The following ADGRL3 variants were observed in gnomAD, a reference collection of about 807,000 sequenced individuals.
The protein encoded by ADGRL3 is calcium-independent alpha-latrotoxin receptor 3.
ADGRL3 carries 62 observed loss-of-function variants against 153.5 expected under a neutral mutation model. That is an observed-to-expected ratio of 0.40 (90% CI 0.33 to 0.50). The LOEUF is 0.50. Among genes scored for constraint, ADGRL3 ranks in the 20% least tolerant of loss-of-function variants. The pLI is 0.47. For synonymous variants in ADGRL3, 710 were observed against 672.5 expected (o/e 1.06, Z -0.86); for missense variants, 1,641 against 1,859.4 (o/e 0.88, Z 2.16).
intron 2 of ADGRL3, among the ~76,000 whole-genome samples, chr4:61,433,650 T>G (rs565137689): frequency 1.3e-5 from 2 of 152,314 alleles, no homozygotes; most frequent in Admixed American, 1.3e-4. Flanking sequence ...TCTATTCTAG[T>G]TGACTCTTAA....
chr4:61,534,759 T>G (rs1016013972), intron 4 of ADGRL3, among the ~76,000 whole-genome samples: 2 of 152,160 alleles, frequency 1.3e-5, no homozygotes, highest in Non-Finnish European at 2.9e-5. Flanking sequence ...TGTTGGCATA[T>G]AGGTATGCAA....
intron 2 of ADGRL3, among the ~76,000 whole-genome samples, chr4:61,439,759 C>T (rs541269404): frequency 6.6e-6 from 1 of 152,104 alleles, no homozygotes; most frequent in East Asian, 1.9e-4. Context: ...CCAGCTTCAG[C>T]CATGTCCCTT....
chr4:61,607,292 GAA>G (rs1199070309), intron 5 of ADGRL3, among the ~76,000 whole-genome samples: 1 of 151,976 alleles, frequency 6.6e-6, no homozygotes, highest in Non-Finnish European at 1.5e-5. Context: ...GAAAAAGTCT[GAA>G]AAAAGTCTCA....
intron 1 of ADGRL3, among the ~76,000 whole-genome samples, chr4:61,241,661 A>T (rs2149330025): frequency 6.6e-6 from 1 of 152,106 alleles, no homozygotes; most frequent in East Asian, 1.9e-4. Flanking sequence ...AACACTCCTG[A>T]GATTTTAGTA....
chr4:61,641,276 TC>T (rs1293451178), intron 5 of ADGRL3, among the ~76,000 whole-genome samples: 20 of 148,668 alleles, frequency 1.3e-4, no homozygotes, highest in African/African-American at 4.4e-4. Context: ...TATTTTTTTT[TC>T]GTTTTATTTA....
At chr4:61,785,579 G>T (rs995949920) in intron 8 of ADGRL3, among the ~76,000 whole-genome samples, 1 of 152,166 alleles carries the variant, frequency 6.6e-6, no homozygotes, top group Admixed American at 6.5e-5. Context: ...AGGGGTAACT[G>T]CAAGTCTTCT....
chr4:61,502,374 A>G (rs1228437518), intron 3 of ADGRL3, among the ~76,000 whole-genome samples: 1 of 152,174 alleles, frequency 6.6e-6, no homozygotes, highest in Non-Finnish European at 1.5e-5. Flanking sequence ...ACAAAGCAGG[A>G]TCACTGGCAC....
At chr4:61,386,703 ATTAC>A (rs1276939211) in intron 2 of ADGRL3, among the ~76,000 whole-genome samples, 3 of 152,180 alleles carry the variant, frequency 2.0e-5, no homozygotes, top group African/African-American at 7.2e-5. Context: ...ATAAAAATGT[ATTAC>A]TTTATCAGCA....
chr4:61,242,682 C>A (rs1183283352), intron 1 of ADGRL3, among the ~76,000 whole-genome samples: 1 of 151,950 alleles, frequency 6.6e-6, no homozygotes, highest in Admixed American at 6.6e-5. Flanking sequence ...ATAGAAATTC[C>A]CAGTACACAT....
At chr4:61,850,519 C>G (rs1211061730) in intron 9 of ADGRL3, among the ~76,000 whole-genome samples, 1 of 152,122 alleles carries the variant, frequency 6.6e-6, no homozygotes, top group East Asian at 1.9e-4. Flanking sequence ...GTGAATAGTC[C>G]TGATCTATTT....
At chr4:61,870,328 T>G in intron 9 of ADGRL3, among the ~76,000 whole-genome samples, 1 of 152,156 alleles carries the variant, frequency 6.6e-6, no homozygotes, top group Non-Finnish European at 1.5e-5. Context: ...GTATCATAAA[T>G]CTAAGCATAA....
rs1042352424 is a variant in ADGRL3, at chr4:61,541,452, G to A, written c.259+23934G>A. On this transcript the variant is annotated intron_variant, in intron 4 of 26. Transcript: ENST00000683033. Reference sequence around the variant, plus strand: ...CTTTCCTGTAATCCCATGCATGCAGGCTGCCATTTTATATCTTTGAAAGCC... The same window carrying A: ...CTTTCCTGTAATCCCATGCATGCAGACTGCCATTTTATATCTTTGAAAGCC... Among the ~76,000 whole-genome samples the A allele has an allele frequency of 2.0e-5, 3 of 150,114 alleles. No homozygotes were observed. The Admixed American group carries it at 2.0e-4, about 10-fold the overall frequency.
chr4:61,687,730 A>T (rs2095472059), intron 6 of ADGRL3, among the ~76,000 whole-genome samples: 1 of 152,030 alleles, frequency 6.6e-6, no homozygotes, highest in African/African-American at 2.4e-5. Context: ...GTAAATAAAG[A>T]GTTGTTTATG....
chr4:62,059,433 G>A (rs1738883185), intron 25 of ADGRL3, among the ~76,000 whole-genome samples: 1 of 152,046 alleles, frequency 6.6e-6, no homozygotes, highest in South Asian at 2.1e-4. Context: ...TAATTACATT[G>A]ATTTCAAATG....
intron 15 of ADGRL3, among the ~76,000 whole-genome samples, chr4:61,939,503 T>G (rs1047099205): frequency 1.3e-5 from 2 of 148,866 alleles, no homozygotes; most frequent in East Asian, 2.0e-4. Flanking sequence ...GGAGTCTCAC[T>G]CTGTCACCCA....
chr4:61,242,877 AT>A (rs1314312943), intron 1 of ADGRL3, among the ~76,000 whole-genome samples: 24 of 152,196 alleles, frequency 1.6e-4, no homozygotes, highest in Non-Finnish European at 3.2e-4. Context: ...TCTATAGTTT[AT>A]TTTAAACAAT....
At chr4:61,461,654 ATTTTAG>A (rs1475370343) in intron 2 of ADGRL3, among the ~76,000 whole-genome samples, 2 of 152,298 alleles carry the variant, frequency 1.3e-5, no homozygotes, top group African/African-American at 4.8e-5. Context: ...AAAAAAGTGA[ATTTTAG>A]TTTATCAGCT....
chr4:61,761,081 C>G (rs2096907253), intron 8 of ADGRL3, among the ~76,000 whole-genome samples: 1 of 152,200 alleles, frequency 6.6e-6, no homozygotes, highest in Non-Finnish European at 1.5e-5. Flanking sequence ...GCCACTTTAT[C>G]AATCTGGGTG....
At chr4:61,940,004 T>C (rs2098875710) in intron 15 of ADGRL3, among the ~76,000 whole-genome samples, 1 of 148,470 alleles carries the variant, frequency 6.7e-6, no homozygotes, top group Non-Finnish European at 1.5e-5. Context: ...TATGTATACA[T>C]GTGCCATGCT....
Sources: gnomAD v4.1 joint callset for allele counts (sites outside exome capture counted in the v4.1 genomes callset) on GRCh38, gnomAD v4.1.1 for gene constraint, MANE v1.5 for transcripts, NCBI Gene and HGNC (gene_info 2026-07-23, HGNC 2026-07-21) for gene names.